Variants in MGAT4C observed in about 807,000 individuals in gnomAD.
MGAT4C encodes the protein alpha-1,3-mannosyl-glycoprotein 4-beta-N-acetylglucosaminyltransferase C.
In MGAT4C, 19 loss-of-function variants were observed where a neutral mutation model predicts 40.1. The ratio of observed to expected loss-of-function variants is 0.47; its 90% CI spans 0.33 to 0.70. The LOEUF is 0.70. Ranked by LOEUF, MGAT4C falls within the 30% of genes least tolerant of loss-of-function variation. MGAT4C has a pLI of 0.02. For synonymous variants in MGAT4C, 181 were observed against 187.1 expected (o/e 0.97, Z 0.27); for missense variants, 491 against 563.2 (o/e 0.87, Z 1.30).
intron 2 of MGAT4C, among the ~76,000 whole-genome samples, chr12:85,998,610 A>G (rs1199642829): frequency 1.3e-5 from 2 of 152,118 alleles, no homozygotes; most frequent in African/African-American, 2.4e-5. Flanking sequence ...AAGTTCCATA[A>G]ATCTCTAAGG....
chr12:86,014,285 A>C (rs1888832845), intron 2 of MGAT4C, among the ~76,000 whole-genome samples: 1 of 152,186 alleles, frequency 6.6e-6, no homozygotes, highest in Non-Finnish European at 1.5e-5. Flanking sequence ...ATTTTGAAGC[A>C]TCAACCCCTA....
intron 1 of MGAT4C, among the ~76,000 whole-genome samples, chr12:86,809,983 T>C (rs748502373): frequency 3.0e-4 from 45 of 152,184 alleles, no homozygotes; most frequent in Admixed American, 1.1e-3. Context: ...CTATATTGAT[T>C]CCAATTCATG....
At chr12:86,007,423 T>G in intron 2 of MGAT4C, among the ~76,000 whole-genome samples, 1 of 152,148 alleles carries the variant, frequency 6.6e-6, no homozygotes, top group East Asian at 1.9e-4. Flanking sequence ...TATTTCAGGA[T>G]ATAAAAAATA....
At chr12:86,584,851 A>C (rs1337999767) in intron 2 of MGAT4C, among the ~76,000 whole-genome samples, 1 of 151,366 alleles carries the variant, frequency 6.6e-6, no homozygotes, top group Non-Finnish European at 1.5e-5. Context: ...ATGGCTTGTG[A>C]AGTGGAGCTA....
At chr12:86,825,795 T>C (rs758979974) in intron 1 of MGAT4C, among the ~76,000 whole-genome samples, 1 of 151,466 alleles carries the variant, frequency 6.6e-6, no homozygotes, top group Non-Finnish European at 1.5e-5. Flanking sequence ...ACAGTGCCCC[T>C]TGGCTGATGC....
chr12:86,377,968 C>G (rs1955861549), intron 3 of MGAT4C, among the ~76,000 whole-genome samples: 1 of 152,138 alleles, frequency 6.6e-6, no homozygotes, highest in African/African-American at 2.4e-5. Context: ...ATATTTGCCC[C>G]TTTGTGACTG....
rs199518028 is a variant in MGAT4C, at chr12:86,282,775, C to A, written c.-57+51290G>T. Among the ~76,000 whole-genome samples, 3 of 151,748 alleles carry A rather than the reference C, an allele frequency of 2.0e-5. No individual in the cohort carries two copies. The South Asian group carries it at 6.2e-4, about 32-fold the overall frequency. ...TTTTTGTTTTGTTTTGCTTTGTTTT[C>A]GTTTTTAGTGTGATTCTAGAGTAAA... On this transcript the variant is annotated intron_variant, in intron 4 of 7. Transcript: ENST00000548651.
intron 4 of MGAT4C, among the ~76,000 whole-genome samples, chr12:86,329,874 A>G (rs1298557681): frequency 6.6e-6 from 1 of 152,230 alleles, no homozygotes; most frequent in Non-Finnish European, 1.5e-5. Context: ...TTTCATACAT[A>G]GTTAACCCTC....
intron 2 of MGAT4C, among the ~76,000 whole-genome samples, chr12:86,450,540 T>C (rs1460743443): frequency 6.6e-6 from 1 of 152,132 alleles, no homozygotes; most frequent in Admixed American, 6.6e-5. Context: ...TTTCCCTTTA[T>C]ACTTAGTGCT....
At chr12:86,104,637 A>G (rs753036573) in intron 1 of MGAT4C, among the ~76,000 whole-genome samples, 1 of 152,180 alleles carries the variant, frequency 6.6e-6, no homozygotes, top group African/African-American at 2.4e-5. Context: ...TACTCTCAAT[A>G]TTAGATATTC....
intron 2 of MGAT4C, among the ~76,000 whole-genome samples, chr12:86,652,954 G>C (rs1364775009): frequency 6.6e-6 from 1 of 151,720 alleles, no homozygotes; most frequent in Non-Finnish European, 1.5e-5. Context: ...ACCAAAATTT[G>C]TCATTTTTTT....
intron 2 of MGAT4C, among the ~76,000 whole-genome samples, chr12:86,442,122 G>GT (rs1957241564): frequency 6.6e-6 from 1 of 152,062 alleles, no homozygotes; most frequent in Non-Finnish European, 1.5e-5. Context: ...TCATGTGTCT[G>GT]TTGGCTGCAT....
At chr12:86,630,067 G>C (rs1357719936) in intron 2 of MGAT4C, among the ~76,000 whole-genome samples, 1 of 151,896 alleles carries the variant, frequency 6.6e-6, no homozygotes, top group African/African-American at 2.4e-5. Context: ...ATGATAAAAG[G>C]GATATCACCA....
chr12:86,663,358 A>C (rs1158568426), intron 2 of MGAT4C, among the ~76,000 whole-genome samples: 2 of 146,396 alleles, frequency 1.4e-5, no homozygotes, highest in Non-Finnish European at 3.1e-5. Context: ...TGTCTCAAAA[A>C]AAAAAAAAAA....
intron 1 of MGAT4C, among the ~76,000 whole-genome samples, chr12:86,824,085 T>A (rs1175749629): frequency 3.3e-5 from 5 of 151,272 alleles, no homozygotes; most frequent in Admixed American, 6.6e-5. Flanking sequence ...GCATAAATCA[T>A]CCCTTAGTTC....
chr12:86,159,783 C>A (rs1885390979), intron 1 of MGAT4C, among the ~76,000 whole-genome samples: 1 of 151,950 alleles, frequency 6.6e-6, no homozygotes, highest in African/African-American at 2.4e-5. Context: ...CAGGAATTTA[C>A]CCATTTCCTC....
At chr12:86,455,265 T>C (rs1388568416) in intron 2 of MGAT4C, among the ~76,000 whole-genome samples, 2 of 152,124 alleles carry the variant, frequency 1.3e-5, no homozygotes, top group Non-Finnish European at 2.9e-5. Flanking sequence ...TTCAGCACAA[T>C]TCTCTGTCTT....
chr12:86,633,138 C>A (rs1034513245), intron 2 of MGAT4C, among the ~76,000 whole-genome samples: 1 of 151,548 alleles, frequency 6.6e-6, no homozygotes, highest in Non-Finnish European at 1.5e-5. Context: ...GTAATAAATA[C>A]CTTTAAAATA....
rs145169265 is a variant in MGAT4C at position 86,409,883 on chromosome 12, A to G, written c.-120+25274T>C. 3.1e-3 allele frequency among the ~76,000 whole-genome samples: 466 copies of G among 152,292 alleles called. 1 individual carries two copies. The highest frequency in any genetic ancestry group is 0.011 in the African/African-American group (441 of 41,566). On this transcript the variant is annotated intron_variant, in intron 3 of 7. Coordinates refer to the MGAT4C transcript ENST00000548651. ...GTGTTGGCCGATCTGAGAAATAAAG[A>G]GAAAGAATACAAAGAGAGGAATTTT...
Sources: gnomAD v4.1 joint callset for allele counts (sites outside exome capture counted in the v4.1 genomes callset) on GRCh38, gnomAD v4.1.1 for gene constraint, MANE v1.5 for transcripts, NCBI Gene and HGNC (gene_info 2026-07-23, HGNC 2026-07-21) for gene names.